Variants in TMOD1 observed in about 807,000 individuals in gnomAD.
TMOD1 encodes the protein tropomodulin-1.
Under a neutral mutation model 40.6 loss-of-function variants are expected in TMOD1, and 17 were observed. That is an observed-to-expected ratio of 0.42 (90% CI 0.29 to 0.63). The LOEUF (loss-of-function observed/expected upper bound fraction) is 0.63, where lower values mean the gene tolerates loss of function less well. TMOD1 is among the 20% of genes least tolerant of loss of function. The pLI is 0.22. For missense variants in TMOD1, 391 were observed against 447.6 expected (o/e 0.87, Z 1.14); for synonymous variants, 181 against 175.0 (o/e 1.03, Z -0.27).
At chr9:97,525,030 CT>C (rs1308087736) in intron 2 of TMOD1, among the ~76,000 whole-genome samples, 9 of 152,278 alleles carry the variant, frequency 5.9e-5, no homozygotes, top group Non-Finnish European at 1.0e-4. Context: ...CAGTCTACCC[CT>C]TGTCAACTTG....
Position 97,601,704 on chromosome 9 carries a change from G to A in TMOD1, c.*2006G>A. ...TGCCATAGATCATGTGTAAAGGAAT[G>A]GGTGTGGCTGTTCAATAAACTATAC... On this transcript the variant is annotated 3_prime_UTR_variant, in exon 10 of 10. Transcript: ENST00000259365. The A allele has an allele frequency of 2.4e-6, 1 of 422,830 alleles. No homozygotes were observed. The highest frequency in any genetic ancestry group is 3.2e-6 in the Non-Finnish European group (1 of 315,310). 26.2% of individuals were successfully genotyped at this position (422,830 alleles called of 1,614,324 possible). A position where few individuals can be genotyped will look rare whatever the true frequency, so the allele number is the denominator to read the frequency against.
chr9:97,532,798 C>T (rs1830123331), intron 2 of TMOD1, among the ~76,000 whole-genome samples: 1 of 152,136 alleles, frequency 6.6e-6, no homozygotes, highest in African/African-American at 2.4e-5. Context: ...TTTCTTGAGC[C>T]ATGTGGTCAT....
At chr9:97,520,294 G>A (rs985723247) in intron 1 of TMOD1, among the ~76,000 whole-genome samples, 2 of 152,120 alleles carry the variant, frequency 1.3e-5, no homozygotes, top group African/African-American at 2.4e-5. Flanking sequence ...GTCCTATGAA[G>A]CTCAGGCCTG....
intron 1 of TMOD1, among the ~76,000 whole-genome samples, chr9:97,510,865 A>G (rs1250216270): frequency 6.6e-6 from 1 of 152,106 alleles, no homozygotes; most frequent in Admixed American, 6.6e-5. Context: ...GGGAGAGCTA[A>G]GTGTGGCCTG....
intron 2 of TMOD1, among the ~76,000 whole-genome samples, chr9:97,527,480 C>T (rs892522158): frequency 6.6e-6 from 1 of 152,174 alleles, no homozygotes; most frequent in African/African-American, 2.4e-5. Context: ...GCAGGTGATA[C>T]TGGAACTGAG....
intron 9 of TMOD1, among the ~76,000 whole-genome samples, chr9:97,596,578 C>T (rs73552509): frequency 0.077 from 11,769 of 152,222 alleles, 1,188 homozygotes; most frequent in African/African-American, 0.22. Flanking sequence ...ACCCACAATC[C>T]GTGGGCAGGA....
chr9:97,569,148 G>A (rs1830779764), intron 8 of TMOD1, 111 bp downstream of exon 8: 1 of 1,424,586 alleles, frequency 7.0e-7, no homozygotes, highest in African/African-American at 1.4e-5. Flanking sequence ...GAAGCTCAGA[G>A]CCCAGCTTTG....
intron 8 of TMOD1, among the ~76,000 whole-genome samples, chr9:97,569,628 TA>T (rs1195801291): frequency 6.6e-6 from 1 of 152,226 alleles, no homozygotes; most frequent in Admixed American, 6.5e-5. Flanking sequence ...TCTGACTTTC[TA>T]AGAGGATGCT....
intron 4 of TMOD1, among the ~76,000 whole-genome samples, chr9:97,559,305 A>G (rs1048299960): frequency 2.0e-5 from 3 of 152,148 alleles, no homozygotes; most frequent in Non-Finnish European, 4.4e-5. Context: ...GAGCTTGAAA[A>G]AATGCAGATG....
intron 8 of TMOD1, among the ~76,000 whole-genome samples, chr9:97,576,247 C>A (rs1019065031): frequency 2.0e-5 from 3 of 152,094 alleles, no homozygotes; most frequent in African/African-American, 7.2e-5. Flanking sequence ...TCAAGACCAG[C>A]CTGGTCAACA....
At chr9:97,586,778 T>C (rs1825883611) in intron 8 of TMOD1, among the ~76,000 whole-genome samples, 1 of 152,204 alleles carries the variant, frequency 6.6e-6, no homozygotes, top group African/African-American at 2.4e-5. Flanking sequence ...CCAGGTGCCG[T>C]CCGTCACCCC....
rs571627569 is a variant in TMOD1 at position 97,582,068 on chromosome 9, G to C, written c.871-9223G>C. 1.2e-4 allele frequency among the ~76,000 whole-genome samples: 19 copies of C among 152,260 alleles called. No individual in the cohort carries two copies. The East Asian group carries it at 3.5e-3, about 28-fold the overall frequency. On this transcript the variant is annotated intron_variant, in intron 8 of 9. Coordinates refer to ENST00000259365, the MANE Select transcript of TMOD1 (RefSeq NM_003275.4). ...TTGGTGTTTTAGACATGATGTCCTT[G>C]CCCATGCCTATGTCCTGAATGGTAA... is the stretch of plus-strand genomic sequence containing the variant.
chr9:97,576,833 G>A (rs955058235), intron 8 of TMOD1, among the ~76,000 whole-genome samples: 9 of 151,866 alleles, frequency 5.9e-5, no homozygotes, highest in African/African-American at 2.2e-4. Context: ...TAGAGACCGG[G>A]TTTCACCATG....
chr9:97,588,603 C>T (rs1825930575), intron 8 of TMOD1, among the ~76,000 whole-genome samples: 1 of 152,122 alleles, frequency 6.6e-6, no homozygotes, highest in Non-Finnish European at 1.5e-5. Context: ...TGAAGTGTAA[C>T]ATCTATTGAT....
At position 97,601,396 on chromosome 9, in the gene TMOD1, T is replaced by C; in HGVS notation, c.*1698T>C. ...GTATTCCAGGTGCTGATCTAAAAAC[T>C]GTGGCTCAAATGTCACCGAGCTTAT... On this transcript the variant is annotated 3_prime_UTR_variant, in exon 10 of 10. Transcript: ENST00000259365. The C allele has an allele frequency of 9.6e-7, 1 of 1,044,906 alleles. No individual in the cohort carries two copies. Among genetic ancestry groups the C allele is most frequent in the South Asian group, 2.9e-5 (1 of 34,974 alleles). The allele number at this position is 1,044,906 out of a possible 1,614,324, so 64.7% of individuals were successfully genotyped here.
chr9:97,518,954 C>T (rs562832841), intron 1 of TMOD1, among the ~76,000 whole-genome samples: 1 of 152,330 alleles, frequency 6.6e-6, no homozygotes, highest in South Asian at 2.1e-4. Context: ...CCTTGCCTTC[C>T]CATCCTCAAG....
intron 9 of TMOD1, among the ~76,000 whole-genome samples, chr9:97,592,074 G>A (rs34786389): frequency 0.48 from 73,319 of 151,550 alleles, 18,087 homozygotes; most frequent in African/African-American, 0.58. Context: ...TTTTGATAAT[G>A]AACACTTATA....
At chr9:97,566,774 C>T (rs998079767) in intron 7 of TMOD1, among the ~76,000 whole-genome samples, 11 of 152,192 alleles carry the variant, frequency 7.2e-5, no homozygotes, top group African/African-American at 2.2e-4. Flanking sequence ...AAAGATATTT[C>T]TGATCAAATT....
intron 2 of TMOD1, among the ~76,000 whole-genome samples, chr9:97,541,349 G>A (rs1484397878): frequency 1.3e-5 from 2 of 151,864 alleles, no homozygotes; most frequent in Admixed American, 6.6e-5. Context: ...CACCATGCCC[G>A]GCTAATTTTT....
Sources: allele counts gnomAD v4.1 joint callset (sites outside exome capture counted in the v4.1 genomes callset), GRCh38; gene constraint gnomAD v4.1.1; transcripts MANE v1.5; gene names NCBI Gene and HGNC (gene_info 2026-07-23, HGNC 2026-07-21).